NRCAM: variants seen among roughly 807,000 people sequenced by gnomAD.
NRCAM encodes NgCAM-related cell adhesion molecule.
In NRCAM, 83 loss-of-function variants were observed where a neutral mutation model predicts 156.5. The observed-to-expected ratio is 0.53, with a 90% CI of 0.44 to 0.64. The LOEUF is 0.64. NRCAM is among the 30% of genes least tolerant of loss of function. The pLI is 0.00. For missense variants in NRCAM, 1,417 were observed against 1,597.3 expected, an observed-to-expected ratio of 0.89 and a Z score of 1.92; for synonymous variants, 538 against 563.9, an observed-to-expected ratio of 0.95 and a Z score of 0.65.
chr7:108,328,120 T>C (rs1222539126), intron 2 of NRCAM, among the ~76,000 whole-genome samples: 1 of 152,234 alleles, frequency 6.6e-6, no homozygotes, highest in African/African-American at 2.4e-5. Flanking sequence ...GTTCACATTT[T>C]GCTACTAAAA....
chr7:108,225,911 G>C (rs2093367921), intron 9 of NRCAM, among the ~76,000 whole-genome samples: 1 of 152,150 alleles, frequency 6.6e-6, no homozygotes, highest in African/African-American at 2.4e-5. Context: ...TAAGCTGCAG[G>C]ACCGCCAATA....
At chr7:108,252,514 C>G (rs762496713) in intron 3 of NRCAM, among the ~76,000 whole-genome samples, 7 of 152,208 alleles carry the variant, frequency 4.6e-5, no homozygotes, top group Non-Finnish European at 7.3e-5. Flanking sequence ...ATTCTATTCA[C>G]ATGTACTCCC....
intron 30 of NRCAM, among the ~76,000 whole-genome samples, chr7:108,164,619 A>T (rs888111186): frequency 1.3e-5 from 2 of 151,906 alleles, no homozygotes; most frequent in Non-Finnish European, 2.9e-5. Flanking sequence ...GTGCTTTCAC[A>T]CTGGAGTTAA....
intron 32 of NRCAM, among the ~76,000 whole-genome samples, chr7:108,152,721 T>C (rs942286898): frequency 1.3e-5 from 2 of 151,990 alleles, no homozygotes; most frequent in African/African-American, 4.8e-5. Context: ...AATTGCAGAG[T>C]TGCAGCAGAG....
At chr7:108,388,438 C>T (rs934933247) in intron 2 of NRCAM, among the ~76,000 whole-genome samples, 1 of 152,080 alleles carries the variant, frequency 6.6e-6, no homozygotes, top group Non-Finnish European at 1.5e-5. Flanking sequence ...TGTTTAAGTT[C>T]TTTGTAGATT....
At chr7:108,252,334 TG>T (rs2096397933) in intron 3 of NRCAM, among the ~76,000 whole-genome samples, 1 of 152,232 alleles carries the variant, frequency 6.6e-6, no homozygotes, top group African/African-American at 2.4e-5. Context: ...CCAGTTAGTC[TG>T]TCTGAGGAAG....
At chr7:108,368,508 C>T (rs2300034) in intron 2 of NRCAM, among the ~76,000 whole-genome samples, 89,822 of 151,928 alleles carry the variant, frequency 0.59, 27,745 homozygotes, top group African/African-American at 0.79. Context: ...GTATTTTAAG[C>T]ATCCCTCTAC....
intron 2 of NRCAM, among the ~76,000 whole-genome samples, chr7:108,355,522 C>T (rs2099487908): frequency 6.6e-6 from 1 of 151,972 alleles, no homozygotes. Context: ...ACAATAGTAC[C>T]CCCAGCTTAT....
chr7:108,268,636 T>TGGGGGGGGGGGGGGGGGG (rs1300340254), intron 3 of NRCAM, among the ~76,000 whole-genome samples: 1 of 8,492 alleles, frequency 1.2e-4, no homozygotes, highest in Non-Finnish European at 2.2e-4. Context: ...GGGGGGGGGT[T>TGGGGGGGGGGGGGGGGGG]GGGGGGGGCG....
rs200467491 is a variant in NRCAM at position 108,234,727 on chromosome 7, A to G, written c.125-39T>C. 3,160 of 1,352,504 alleles carry G rather than the reference A, an allele frequency of 2.3e-3. 19 individuals are homozygous for G. Among genetic ancestry groups the G allele is most frequent in the Non-Finnish European group, 3.0e-3 (2,854 of 945,244 alleles). 83.8% of individuals were successfully genotyped at this position (1,352,504 alleles called of 1,614,324 possible). On this transcript the variant is annotated intron_variant, in intron 5 of 32. Transcript: ENST00000379028. ...AAAAAAAAATGTAAAAAAACAAATT[A>G]TTTAAAATCATAATAGTAGCCATTT...
At chr7:108,350,469 A>C (rs1438038904) in intron 2 of NRCAM, among the ~76,000 whole-genome samples, 3 of 152,234 alleles carry the variant, frequency 2.0e-5, no homozygotes, top group Admixed American at 2.0e-4. Context: ...TCAATGACCA[A>C]TGGCAGTTTG....
intron 2 of NRCAM, among the ~76,000 whole-genome samples, chr7:108,355,184 TA>T (rs1373829668): frequency 5.3e-5 from 8 of 152,204 alleles, no homozygotes; most frequent in African/African-American, 1.9e-4. Flanking sequence ...AAATTGATTC[TA>T]AAACACATAT....
At chr7:108,202,061 C>A (rs1317865902) in intron 13 of NRCAM, among the ~76,000 whole-genome samples, 1 of 152,090 alleles carries the variant, frequency 6.6e-6, no homozygotes, top group Admixed American at 6.6e-5. Context: ...AACTCTCTAG[C>A]ATGCAAATCC....
chr7:108,158,856 A>G (rs569482177), intron 32 of NRCAM, among the ~76,000 whole-genome samples: 59 of 152,302 alleles, frequency 3.9e-4, no homozygotes, highest in Admixed American at 9.8e-4. Flanking sequence ...AAAATTTAGC[A>G]CATAGGTTAT....
chr7:108,303,764 T>A (rs2098670282), intron 3 of NRCAM, among the ~76,000 whole-genome samples: 1 of 152,146 alleles, frequency 6.6e-6, no homozygotes, highest in Non-Finnish European at 1.5e-5. Context: ...GCCTGGGGGA[T>A]GTCCACCCAT....
chr7:108,351,636 G>A (rs1000999984), intron 2 of NRCAM, among the ~76,000 whole-genome samples: 11 of 152,312 alleles, frequency 7.2e-5, no homozygotes, highest in East Asian at 3.9e-4. Context: ...AGGAGAAGGA[G>A]GGCTGAACCC....
chr7:108,250,746 TAA>T (rs1159823622), intron 3 of NRCAM, among the ~76,000 whole-genome samples: 1 of 151,998 alleles, frequency 6.6e-6, no homozygotes, highest in Non-Finnish European at 1.5e-5. Context: ...TTAAAATAAC[TAA>T]AAGAGTATAA....
intron 2 of NRCAM, among the ~76,000 whole-genome samples, chr7:108,321,884 G>A (rs888923402): frequency 2.0e-5 from 3 of 152,162 alleles, no homozygotes; most frequent in African/African-American, 4.8e-5. Context: ...TATCAAAACT[G>A]TAGCTCATAT....
At position 108,299,114 on chromosome 7, in the gene NRCAM, A is replaced by AAAAAAAAAGAAAG; in HGVS notation, c.-107+13550_-107+13551insCTTTCTTTTTTTT. On this transcript the variant is annotated intron_variant, in intron 3 of 32. Transcript: ENST00000379028. ...GAGCAAGACTCCATCTCAAAAAAAAAAAAGAAAGAAAGAAAGAAAGAAAGA... is the reference window on the plus strand; with the variant it reads ...GAGCAAGACTCCATCTCAAAAAAAAAAAAAAAAAGAAAGAAAGAAAGAAAGAAAGAAAGAAAGA... Among the ~76,000 whole-genome samples, 40 of 25,526 alleles carry AAAAAAAAAGAAAG rather than the reference A, an allele frequency of 1.6e-3. 3 individuals are homozygous for AAAAAAAAAGAAAG. The highest frequency in any genetic ancestry group is 0.013 in the South Asian group (4 of 320). The allele number at this position is 25,526 out of a possible 152,430, so 16.7% of individuals were successfully genotyped here.
Sources: allele counts gnomAD v4.1 joint callset (sites outside exome capture counted in the v4.1 genomes callset), GRCh38; gene constraint gnomAD v4.1.1; transcripts MANE v1.5; gene names NCBI Gene and HGNC (gene_info 2026-07-23, HGNC 2026-07-21).